Variants in FOXO1 observed in about 807,000 individuals in gnomAD.
FOXO1 encodes the protein forkhead box O1, also known as forkhead box protein O1.
Under a neutral mutation model 44.1 loss-of-function variants are expected in FOXO1, and 6 were observed. The observed-to-expected ratio is 0.14, with a 90% CI of 0.07 to 0.27. The LOEUF (loss-of-function observed/expected upper bound fraction) is 0.27. Among genes scored for constraint, FOXO1 ranks in the 10% least tolerant of loss-of-function variants. The probability of loss-of-function intolerance (pLI) is 1.00; values close to 1 mark genes in which losing one functional copy is unlikely to be tolerated. For synonymous variants in FOXO1, 380 were observed against 362.7 expected, an observed-to-expected ratio of 1.05 and a Z score of -0.54; for missense variants, 737 against 888.8, an observed-to-expected ratio of 0.83 and a Z score of 2.17.
At chr13:40,585,031 C>G (rs1471060031) in intron 1 of FOXO1, among the ~76,000 whole-genome samples, 3 of 152,180 alleles carry the variant, frequency 2.0e-5, no homozygotes, top group Non-Finnish European at 4.4e-5. Flanking sequence ...CCAGAATATT[C>G]TTAACAAGTA....
At chr13:40,650,360 G>C (rs1215057856) in intron 1 of FOXO1, among the ~76,000 whole-genome samples, 1 of 152,188 alleles carries the variant, frequency 6.6e-6, no homozygotes. Flanking sequence ...CATCCAGTGA[G>C]TTAGAATGCC....
intron 1 of FOXO1, among the ~76,000 whole-genome samples, chr13:40,623,094 C>T (rs1876669433): frequency 6.6e-6 from 1 of 151,694 alleles, no homozygotes; most frequent in Admixed American, 6.6e-5. Flanking sequence ...ATTTATTCAC[C>T]TTTCTCTAAG....
intron 1 of FOXO1, among the ~76,000 whole-genome samples, chr13:40,607,265 A>T (rs1876038133): frequency 6.6e-6 from 1 of 152,206 alleles, no homozygotes; most frequent in Admixed American, 6.5e-5. Flanking sequence ...CTCGTGCTAC[A>T]CCCGGAGCGC....
intron 1 of FOXO1, among the ~76,000 whole-genome samples, chr13:40,634,129 A>G (rs1404688980): frequency 6.6e-6 from 1 of 152,226 alleles, no homozygotes; most frequent in East Asian, 1.9e-4. Flanking sequence ...CATGACAGGT[A>G]TATGACAGGG....
At chr13:40,582,130 T>C (rs1181964703) in intron 1 of FOXO1, among the ~76,000 whole-genome samples, 2 of 152,296 alleles carry the variant, frequency 1.3e-5, no homozygotes, top group East Asian at 1.9e-4. Context: ...ATAAAGCAAA[T>C]ATCACAATAA....
At chr13:40,576,666 C>G (rs1292241193) in intron 1 of FOXO1, among the ~76,000 whole-genome samples, 2 of 152,210 alleles carry the variant, frequency 1.3e-5, no homozygotes, top group South Asian at 4.1e-4. Context: ...ACAGGGTTTT[C>G]GATTCAAGCT....
At chr13:40,570,770 A>G (rs1235586782) in intron 1 of FOXO1, among the ~76,000 whole-genome samples, 1 of 152,244 alleles carries the variant, frequency 6.6e-6, no homozygotes, top group Non-Finnish European at 1.5e-5. Flanking sequence ...AAAGCCCTTT[A>G]ATTTTCAGGA....
intron 1 of FOXO1, chr13:40,619,989 A>C (rs1415442360): frequency 2.9e-6 from 2 of 701,678 alleles, no homozygotes; most frequent in Admixed American, 4.4e-5. Context: ...CAATTCAGAG[A>C]CACAGTGGCA....
intron 1 of FOXO1, among the ~76,000 whole-genome samples, chr13:40,633,229 T>C (rs1037997858): frequency 6.6e-6 from 1 of 152,252 alleles, no homozygotes; most frequent in Non-Finnish European, 1.5e-5. Context: ...ACAGTTCTTA[T>C]GGCCCAAGCC....
intron 1 of FOXO1, among the ~76,000 whole-genome samples, chr13:40,568,277 A>C (rs1037080327): frequency 1.3e-5 from 2 of 152,190 alleles, no homozygotes; most frequent in African/African-American, 4.8e-5. Context: ...TCAAAATGCT[A>C]GACAAACTAC....
At chr13:40,658,593 G>T (rs1426970744) in intron 1 of FOXO1, among the ~76,000 whole-genome samples, 1 of 152,180 alleles carries the variant, frequency 6.6e-6, no homozygotes. Flanking sequence ...TAGTCCTGAG[G>T]TATACTTATG....
In FOXO1 at chr13:40,559,635, C is replaced by A. The variant is rs745385825; in HGVS notation, c.1856G>T (p.Arg619Leu). ...RLDCDMESIIRNDLMDGDTLD... is the reference protein window; with the variant it reads ...RLDCDMESIILNDLMDGDTLD... The stretch of plus-strand genomic sequence containing the variant: ...TGTATCTCCATCCATGAGGTCATTC[C>A]GAATGATGGATTCCATGTCACAGTC... The change falls in exon 2 of 3, where the codon CGG (arginine) becomes CTG (leucine). Residue 619 changes from arginine to leucine, a missense_variant. Physicochemically the swap from Arg to Leu is moderately radical, Grantham distance 102. This residue lies in a region of FOXO1 where 45 missense variants were observed against 78.3 expected (regional missense o/e 0.57). Coordinates refer to ENST00000379561, the MANE Select transcript of FOXO1 (RefSeq NM_002015.4). The A allele has an allele frequency of 6.2e-7, 1 of 1,614,174 alleles. No homozygotes were observed. The highest frequency in any genetic ancestry group is 8.5e-7 in the Non-Finnish European group (1 of 1,180,026).
chr13:40,642,926 A>C (rs1877397217), intron 1 of FOXO1, among the ~76,000 whole-genome samples: 2 of 152,318 alleles, frequency 1.3e-5, no homozygotes, highest in South Asian at 4.1e-4. Context: ...AAAAAATACA[A>C]ATAATCTCAA....
At chr13:40,629,775 T>G (rs1431548291) in intron 1 of FOXO1, among the ~76,000 whole-genome samples, 1 of 152,188 alleles carries the variant, frequency 6.6e-6, no homozygotes. Context: ...CTTCACATGC[T>G]CAGTGGGTTG....
chr13:40,570,102 A>G (rs1321215521), intron 1 of FOXO1, among the ~76,000 whole-genome samples: 1 of 152,074 alleles, frequency 6.6e-6, no homozygotes, highest in Non-Finnish European at 1.5e-5. Context: ...CACGAGGGTG[A>G]AGAGATGGAG....
intron 1 of FOXO1, among the ~76,000 whole-genome samples, chr13:40,600,377 A>G (rs114047248): frequency 0.01 from 1,533 of 152,292 alleles, 32 homozygotes; most frequent in African/African-American, 0.034. Context: ...GGAAGTGCAC[A>G]GGGGCTTTAC....
At chr13:40,597,001 T>C (rs1875603254) in intron 1 of FOXO1, among the ~76,000 whole-genome samples, 1 of 152,184 alleles carries the variant, frequency 6.6e-6, no homozygotes, top group African/African-American at 2.4e-5. Flanking sequence ...TCCACCTCCC[T>C]ACATCAAGAA....
chr13:40,623,976 C>T (rs919571913), intron 1 of FOXO1, among the ~76,000 whole-genome samples: 5 of 148,822 alleles, frequency 3.4e-5, no homozygotes, highest in African/African-American at 7.5e-5. Flanking sequence ...CGGTGGCGCA[C>T]GCCTGTAGTC....
chr13:40,666,217 ACCCCCGCCCCTC>A lies in FOXO1; in HGVS notation c.-17_-6del, dbSNP rs1878247482. 7.1e-7 allele frequency: 1 copy of A among 1,402,694 alleles called. No homozygotes were observed. The allele number at this position is 1,402,694 out of a possible 1,614,324, so 86.9% of individuals were successfully genotyped here. A position where few individuals can be genotyped will look rare whatever the true frequency, so the allele number is the denominator to read the frequency against. On this transcript the variant is annotated 5_prime_UTR_variant, in exon 1 of 3. Coordinates refer to ENST00000379561, the MANE Select transcript of FOXO1 (RefSeq NM_002015.4). ...CACCTGAGGCGCCTCGGCCATGGTG[ACCCCCGCCCCTC>A]CCCCAGCCGCAGGAGAGCCAAGAGG...
Sources: gnomAD v4.1 joint callset for allele counts (sites outside exome capture counted in the v4.1 genomes callset) on GRCh38, gnomAD v4.1.1 for gene constraint, gnomAD v4.1.1 regional missense constraint, MANE v1.5 for transcripts, NCBI Gene and HGNC (gene_info 2026-07-23, HGNC 2026-07-21) for gene names.